The following DPP4 variants were observed in gnomAD, a reference collection of about 807,000 sequenced individuals.
DPP4 encodes the protein ADCP-2.
Under a neutral mutation model 122.4 loss-of-function variants are expected in DPP4, and 93 were observed. The ratio of observed to expected loss-of-function variants is 0.76; its 90% CI spans 0.64 to 0.90. The LOEUF (loss-of-function observed/expected upper bound fraction) is 0.90. Among genes scored for constraint, DPP4 ranks in the 40% least tolerant of loss-of-function variants. The pLI, the probability that DPP4 is intolerant of heterozygous loss-of-function variation, is 0.00. For synonymous variants in DPP4, 321 were observed against 302.9 expected, an observed-to-expected ratio of 1.06 and a Z score of -0.62; for missense variants, 914 against 907.3, an observed-to-expected ratio of 1.01 and a Z score of -0.09.
chr2:162,072,256 T>C (rs1363378086), intron 2 of DPP4, among the ~76,000 whole-genome samples: 1 of 152,268 alleles, frequency 6.6e-6, no homozygotes, highest in Non-Finnish European at 1.5e-5. Flanking sequence ...TTTGCATGTA[T>C]GGTTTACACA....
At chr2:162,055,509 C>A (rs1408889385) in intron 2 of DPP4, among the ~76,000 whole-genome samples, 2 of 151,922 alleles carry the variant, frequency 1.3e-5, no homozygotes, top group African/African-American at 2.4e-5. Context: ...CCAGCCTGGG[C>A]AACATGGTGA....
chr2:162,057,119 G>C lies in DPP4; in HGVS notation c.95-9618C>G, dbSNP rs553991661. 2.0e-5 allele frequency among the ~76,000 whole-genome samples: 3 copies of C among 152,024 alleles called. No individual in the cohort carries two copies. In the South Asian group the frequency reaches 6.2e-4, roughly 31 times the overall value. ...CATCCTTAAAAACCCTAACCTCCAA[G>C]CTTTGAGGGAGTCAATTTGAGAACT... is the stretch of plus-strand genomic sequence containing the variant. On this transcript the variant is annotated intron_variant, in intron 2 of 25. Transcript: ENST00000360534.
chr2:161,996,230 T>C (rs895028277), intron 23 of DPP4, among the ~76,000 whole-genome samples: 6 of 152,140 alleles, frequency 3.9e-5, no homozygotes, highest in Admixed American at 6.5e-5. Flanking sequence ...TTACCAAAGT[T>C]GGGATGAAGG....
intron 20 of DPP4, among the ~76,000 whole-genome samples, chr2:162,010,524 C>T (rs1192377818): frequency 6.6e-6 from 1 of 152,136 alleles, no homozygotes; most frequent in Non-Finnish European, 1.5e-5. Flanking sequence ...TGTATAAACG[C>T]ACTATTTCTC....
At position 161,995,232 on chromosome 2, in the gene DPP4, T is replaced by G. The variant is rs1576028813; in HGVS notation, c.2125+68A>C. ...TGTAACAGTCTTGCCCCTCATGCTT[T>G]TGTTTTGTCAGTAGTGAAATTGCAA... On this transcript the variant is annotated intron_variant, in intron 24 of 25. Transcript: ENST00000360534. The G allele has an allele frequency of 3.4e-6, 5 of 1,463,406 alleles. No homozygotes were observed. The East Asian group carries it at 1.1e-4, about 33-fold the overall frequency. 90.7% of individuals were successfully genotyped at this position (1,463,406 alleles called of 1,614,324 possible). A position where few individuals can be genotyped will look rare whatever the true frequency, so the allele number is the denominator to read the frequency against.
intron 2 of DPP4, 118 bp downstream of exon 2, chr2:162,073,281 C>T: frequency 1.0e-6 from 1 of 969,278 alleles, no homozygotes; most frequent in Non-Finnish European, 1.6e-6. Flanking sequence ...GCCTTCTCAG[C>T]TACACTTCGG....
At chr2:162,059,636 GA>G (rs1424776947) in intron 2 of DPP4, among the ~76,000 whole-genome samples, 4 of 152,162 alleles carry the variant, frequency 2.6e-5, no homozygotes, top group Admixed American at 1.3e-4. Flanking sequence ...CTCTAACACT[GA>G]CTCATTGAAG....
intron 10 of DPP4, among the ~76,000 whole-genome samples, chr2:162,029,708 G>A (rs1196607312): frequency 6.6e-6 from 1 of 152,180 alleles, no homozygotes; most frequent in Non-Finnish European, 1.5e-5. Context: ...GAGCAGGGAT[G>A]GGGTATGTCA....
In DPP4 at chr2:161,993,031, C is replaced by T. The variant is rs1439201457; in HGVS notation, c.*252G>A. Reference sequence around the variant, plus strand: ...CAATTCCTATTTGTTGTTTCAGCAGCTGATGCAGAAATGATTTTAAACAAT... The same window carrying T: ...CAATTCCTATTTGTTGTTTCAGCAGTTGATGCAGAAATGATTTTAAACAAT... On this transcript the variant is annotated 3_prime_UTR_variant, in exon 26 of 26. Transcript: ENST00000360534. The T allele has an allele frequency of 2.8e-6, 1 of 353,186 alleles. No homozygotes were observed. The highest frequency in any genetic ancestry group is 4.9e-5 in the East Asian group (1 of 20,578). The allele number at this position is 353,186 out of a possible 1,614,324, so 21.9% of individuals were successfully genotyped here.
chr2:162,056,600 C>T (rs1684582607), intron 2 of DPP4, among the ~76,000 whole-genome samples: 1 of 152,184 alleles, frequency 6.6e-6, no homozygotes, highest in Admixed American at 6.5e-5. Context: ...TTACTGGGTG[C>T]AGGCCAAGCA....
chr2:162,071,318 T>C (rs1026841477), intron 2 of DPP4, among the ~76,000 whole-genome samples: 13 of 152,142 alleles, frequency 8.5e-5, no homozygotes, highest in Non-Finnish European at 1.8e-4. Flanking sequence ...ATGTTAACTA[T>C]TCAAGCTTGG....
chr2:162,060,738 C>G (rs1684736611), intron 2 of DPP4, among the ~76,000 whole-genome samples: 1 of 152,086 alleles, frequency 6.6e-6, no homozygotes, highest in African/African-American at 2.4e-5. Flanking sequence ...CCTTAGAACT[C>G]TGAGGGAGAG....
intron 11 of DPP4, among the ~76,000 whole-genome samples, chr2:162,024,020 G>A (rs759532082): frequency 6.6e-6 from 1 of 152,232 alleles, no homozygotes; most frequent in Non-Finnish European, 1.5e-5. Context: ...AGTGAATCAA[G>A]TTATGTGAGG....
chr2:162,035,275 A>C lies in DPP4; in HGVS notation c.663T>G (p.Thr221=), dbSNP rs200855838. 3.7e-6 allele frequency: 6 copies of C among 1,614,076 alleles called. No homozygotes were observed. Among genetic ancestry groups the C allele is most frequent in the Non-Finnish European group, 5.1e-6 (6 of 1,179,956 alleles). Residue 221 remains threonine (T), a synonymous_variant, in exon 9 of 26, where the codon ACT becomes ACG. Coordinates refer to ENST00000360534, the MANE Select transcript of DPP4 (RefSeq NM_001935.4). The part of the protein sequence containing the change: ...YSALWWSPNG[T]FLAYAQFNDT... ...CGTTAAATTGGGCATATGCTAAAAA[A>C]GTGCCGTTTGGAGACCACCACAGAG...
intron 2 of DPP4, among the ~76,000 whole-genome samples, chr2:162,052,082 G>T (rs985710959): frequency 1.3e-5 from 2 of 152,030 alleles, no homozygotes; most frequent in African/African-American, 4.8e-5. Flanking sequence ...CACTTGGGAG[G>T]TCGAGGTGGG....
chr2:162,067,407 G>A (rs12469968), intron 2 of DPP4, among the ~76,000 whole-genome samples: 82,733 of 151,832 alleles, frequency 0.54, 23,250 homozygotes, highest in African/African-American at 0.66. Flanking sequence ...CTCTACCTCA[G>A]TTATACATCC....
chr2:162,007,072 A>T (rs970550521), intron 22 of DPP4, among the ~76,000 whole-genome samples: 1 of 152,132 alleles, frequency 6.6e-6, no homozygotes, highest in African/African-American at 2.4e-5. Context: ...AATTACTAAC[A>T]GTGATATTTT....
At chr2:162,068,848 G>C (rs911531487) in intron 2 of DPP4, among the ~76,000 whole-genome samples, 1 of 152,178 alleles carries the variant, frequency 6.6e-6, no homozygotes, top group Non-Finnish European at 1.5e-5. Context: ...TTACGACACA[G>C]AGATTAGAAG....
intron 4 of DPP4, chr2:162,046,632 A>C (rs1053744638): frequency 2.1e-5 from 11 of 512,540 alleles, no homozygotes; most frequent in African/African-American, 1.9e-4. Context: ...GGTTGCATGA[A>C]ATTCACCAAA....
Sources: allele counts gnomAD v4.1 joint callset (sites outside exome capture counted in the v4.1 genomes callset), GRCh38; gene constraint gnomAD v4.1.1; transcripts MANE v1.5; gene names NCBI Gene and HGNC (gene_info 2026-07-23, HGNC 2026-07-21).